The following WDR33 variants were observed in gnomAD, a reference collection of about 807,000 sequenced individuals.
WDR33 encodes WD repeat domain 33.
In WDR33, 47 loss-of-function variants were observed where a neutral mutation model predicts 164.9. The ratio of observed to expected loss-of-function variants is 0.29; its 90% CI spans 0.23 to 0.36. The LOEUF (loss-of-function observed/expected upper bound fraction) is 0.36. WDR33 is among the 10% of genes least tolerant of loss of function. WDR33 has a pLI of 1.00. For synonymous variants in WDR33, 505 were observed against 589.0 expected (o/e 0.86, Z 2.06); for missense variants, 1,137 against 1,754.1 (o/e 0.65, Z 6.28).
At position 127,709,072 on chromosome 2, in the gene WDR33, G is replaced by A. The variant is rs1686088989; in HGVS notation, c.3566-180C>T. Among the ~76,000 whole-genome samples, 1 of 152,172 alleles carries A rather than the reference G, an allele frequency of 6.6e-6. No homozygotes were observed. The highest frequency in any genetic ancestry group is 1.5e-5 in the Non-Finnish European group (1 of 68,038). ...GTGCCTCCTCATGTAAGAGGGGCAG[G>A]TAAGATCCAGAGAACTCGTTCTCAG... On this transcript the variant is annotated intron_variant, in intron 20 of 21. Transcript: ENST00000322313. This position sits in a 1 kb window ranked among gnomAD's most constrained non-coding sequence, Gnocchi z 5.0.
At chr2:127,808,568 G>A (rs1454583014) in intron 1 of WDR33, among the ~76,000 whole-genome samples, 4 of 152,172 alleles carry the variant, frequency 2.6e-5, no homozygotes, top group Non-Finnish European at 5.9e-5. Flanking sequence ...TAATGTAAAT[G>A]GTTTGAAATG....
chr2:127,742,518 G>C (rs1687047143), intron 7 of WDR33, among the ~76,000 whole-genome samples: 1 of 116,202 alleles, frequency 8.6e-6, no homozygotes, highest in African/African-American at 3.6e-5. Context: ...CAGAGACCCT[G>C]TCTCAAAAAA....
chr2:127,785,257 C>T (rs902904318), intron 1 of WDR33, among the ~76,000 whole-genome samples: 3 of 152,132 alleles, frequency 2.0e-5, no homozygotes, highest in African/African-American at 4.8e-5. Context: ...CCCTCCCCAC[C>T]CCTAACATCC....
At chr2:127,734,429 C>CT (rs1190096907) in intron 7 of WDR33, among the ~76,000 whole-genome samples, 1 of 152,180 alleles carries the variant, frequency 6.6e-6, no homozygotes, top group East Asian at 1.9e-4. Flanking sequence ...TAACCTGTGT[C>CT]TAATATGCCA....
chr2:127,713,669 C>T lies in WDR33; in HGVS notation c.3222G>A (p.Pro1074=), dbSNP rs751129326. ...CGGGCCTGCGGCCTTCCCATGCCCCCGGAGGGCCTCGGGCTGCACCCCGGC... is the reference window on the plus strand; with the variant it reads ...CGGGCCTGCGGCCTTCCCATGCCCCTGGAGGGCCTCGGGCTGCACCCCGGC... ...GDGRGAARGP[P]GAWEGRRPGD... The change falls in exon 18 of 22, where the codon CCG becomes CCA. Residue 1074 remains proline, a synonymous_variant. Transcript: ENST00000322313. The surrounding 1 kb of genome is among the most constrained non-coding windows in gnomAD (Gnocchi z 6.2). 5.6e-6 allele frequency: 9 copies of T among 1,614,228 alleles called. No homozygotes were observed. The highest frequency in any genetic ancestry group is 2.2e-5 in the East Asian group (1 of 44,890).
In WDR33 at chr2:127,726,440, G is replaced by A. The variant is rs1686574953; in HGVS notation, c.851+211C>T. On this transcript the variant is annotated intron_variant, in intron 8 of 21. Transcript: ENST00000322313. The surrounding 1 kb of genome is among the most constrained non-coding windows in gnomAD (Gnocchi z 4.8). The stretch of plus-strand genomic sequence containing the variant: ...GTATATAACAACCAAATTAAACTTA[G>A]GTCTATGTGGCAGGACAAAAACAAG... Among the ~76,000 whole-genome samples, 1 of 152,070 alleles carries A rather than the reference G, an allele frequency of 6.6e-6. No homozygotes were observed. The highest frequency in any genetic ancestry group is 2.4e-5 in the African/African-American group (1 of 41,412).
rs1686227621 is a variant in WDR33 at position 127,713,521 on chromosome 2, T to C, written c.3308+62A>G. The C allele has an allele frequency of 1.9e-6, 3 of 1,556,892 alleles. No individual in the cohort carries two copies. The highest frequency in any genetic ancestry group is 2.6e-6 in the Non-Finnish European group (3 of 1,141,330). On this transcript the variant is annotated intron_variant, in intron 18 of 21. Coordinates refer to ENST00000322313, the MANE Select transcript of WDR33 (RefSeq NM_018383.5). This position sits in a 1 kb window ranked among gnomAD's most constrained non-coding sequence, Gnocchi z 6.2. ...AAGAAAAAGAAGAAAGAGACCTTTG[T>C]GGAGACAGCAGATAAAAAGCTCCAC...
In WDR33 at chr2:127,713,878, G is replaced by A. The variant is rs1686239190; in HGVS notation, c.3013C>T (p.Pro1005Ser). 1 of 1,614,066 alleles carries A rather than the reference G, an allele frequency of 6.2e-7. No homozygotes were observed. The highest frequency in any genetic ancestry group is 1.7e-5 in the Admixed American group (1 of 60,008). ...DCRGPPDRRG[P>S]HPDFPDDFSR... ...AAGTCATCGGGGAAGTCTGGGTGAG[G>A]GCCACGCCTATCAGGGGGACCCCTG... The change falls in exon 18 of 22, where the codon CCT (proline) becomes TCT (serine). Residue 1005 changes from proline to serine, a missense_variant. By Grantham distance (74) the Pro-to-Ser change is moderately conservative. Around this residue, in one of 9 missense-constraint regions of WDR33, gnomAD observed 867 missense variants for 1,073.0 expected, o/e 0.81. Transcript: ENST00000322313. The surrounding 1 kb of genome is among the most constrained non-coding windows in gnomAD (Gnocchi z 6.2).
At chr2:127,751,024 C>T (rs188395520) in intron 7 of WDR33, among the ~76,000 whole-genome samples, 2 of 151,658 alleles carry the variant, frequency 1.3e-5, no homozygotes, top group East Asian at 3.9e-4. Context: ...ATTTGCATGG[C>T]ACATTAAAAC....
At position 127,762,524 on chromosome 2, in the gene WDR33, A is replaced by C. The variant is rs1687706875; in HGVS notation, c.724+538T>G. On this transcript the variant is annotated intron_variant, in intron 7 of 21. Transcript: ENST00000322313. ...TGAAGTAATTTCATAGAGGTTTATT[A>C]ATTATAAAATCAACAAAAGTAAACA... is the stretch of plus-strand genomic sequence containing the variant. The C allele has an allele frequency of 3.0e-6, 3 of 985,610 alleles. No homozygotes were observed. In the Admixed American group the frequency reaches 1.8e-4, roughly 60 times the overall value. 61.1% of individuals were successfully genotyped at this position (985,610 alleles called of 1,614,324 possible).
At chr2:127,771,556 C>A (rs976872463) in intron 1 of WDR33, among the ~76,000 whole-genome samples, 1 of 152,088 alleles carries the variant, frequency 6.6e-6, no homozygotes, top group Admixed American at 6.5e-5. Context: ...GCGGAAGGAT[C>A]GCTTGAGGCC....
At chr2:127,768,866 C>G (rs1009539728) in intron 3 of WDR33, 67 bp downstream of exon 3, 3 of 1,234,310 alleles carry the variant, frequency 2.4e-6, no homozygotes, top group Non-Finnish European at 3.5e-6. Flanking sequence ...TGAAGTCACA[C>G]AGTGAAGGCT....
rs941770906 is a variant in WDR33, at chr2:127,723,096, T to G, written c.1292-52A>C. The G allele has an allele frequency of 2.6e-5, 39 of 1,507,072 alleles. 1 individual carries two copies. The highest frequency in any genetic ancestry group is 3.5e-5 in the Non-Finnish European group (39 of 1,107,662). The allele number at this position is 1,507,072 out of a possible 1,614,324, so 93.4% of individuals were successfully genotyped here. ...ATAGAGAATTTACAAAAGTAGCGAC[T>G]GATAAAATTAATGCTTTATAAAAAT... On this transcript the variant is annotated intron_variant, in intron 12 of 21. Coordinates refer to ENST00000322313, the MANE Select transcript of WDR33 (RefSeq NM_018383.5). This position sits in a 1 kb window ranked among gnomAD's most constrained non-coding sequence, Gnocchi z 5.9.
Position 127,724,621 on chromosome 2 carries a change from C to A in WDR33, c.1086-178G>T, listed in dbSNP as rs1686520426. Among the ~76,000 whole-genome samples, 1 of 152,210 alleles carries A rather than the reference C, an allele frequency of 6.6e-6. No individual in the cohort carries two copies. The highest frequency in any genetic ancestry group is 2.1e-4 in the South Asian group (1 of 4,834). On this transcript the variant is annotated intron_variant, in intron 10 of 21. Transcript: ENST00000322313. This position sits in a 1 kb window ranked among gnomAD's most constrained non-coding sequence, Gnocchi z 4.8. ...TTGTCATTGCCAAAGGACAGTTACC[C>A]TTTCATCCAAAGAGCACTTCACAGG...
chr2:127,754,900 C>G (rs1328057087), intron 7 of WDR33, among the ~76,000 whole-genome samples: 2 of 152,156 alleles, frequency 1.3e-5, no homozygotes, highest in Non-Finnish European at 2.9e-5. Flanking sequence ...TTTAACCCAG[C>G]TAAATACTAA....
rs1000921746 is a variant in WDR33 at position 127,770,737 on chromosome 2, A to G, written c.204+41T>C. ...TAAATAAATAAATAAATAAATAAATAACCAAAGTTTGGTCATCTGAAGCAC... is the reference window on the plus strand; with the variant it reads ...TAAATAAATAAATAAATAAATAAATGACCAAAGTTTGGTCATCTGAAGCAC... On this transcript the variant is annotated intron_variant, in intron 2 of 21. Coordinates refer to ENST00000322313, the MANE Select transcript of WDR33 (RefSeq NM_018383.5). This position sits in a 1 kb window ranked among gnomAD's most constrained non-coding sequence, Gnocchi z 4.9. 5.9e-6 allele frequency: 6 copies of G among 1,019,442 alleles called. No homozygotes were observed. Among genetic ancestry groups the G allele is most frequent in the Middle Eastern group, 5.3e-4 (2 of 3,758 alleles). 63.1% of individuals were successfully genotyped at this position (1,019,442 alleles called of 1,614,324 possible). A position where few individuals can be genotyped will look rare whatever the true frequency, so the allele number is the denominator to read the frequency against.
intron 7 of WDR33, among the ~76,000 whole-genome samples, chr2:127,752,617 A>G (rs980306158): frequency 2.0e-5 from 3 of 151,338 alleles, no homozygotes; most frequent in African/African-American, 2.4e-5. Context: ...AAAAAAAAAA[A>G]AAAGAAACAG....
intron 7 of WDR33, among the ~76,000 whole-genome samples, chr2:127,750,549 AG>A (rs1488481233): frequency 6.8e-6 from 1 of 147,348 alleles, no homozygotes; most frequent in East Asian, 2.1e-4. Context: ...CGAGAGGCTG[AG>A]GCACTTGAGA....
chr2:127,719,336 G>C lies in WDR33; in HGVS notation c.2689C>G (p.Gln897Glu). Residue 897 changes from glutamine to glutamate, a missense_variant, in exon 16 of 22, where the codon CAA becomes GAA. Gln to Glu is a conservative substitution (Grantham distance 29). Around this residue, in one of 9 missense-constraint regions of WDR33, gnomAD observed 867 missense variants for 1,073.0 expected, o/e 0.81. Coordinates refer to ENST00000322313, the MANE Select transcript of WDR33 (RefSeq NM_018383.5). The surrounding 1 kb of genome is among the most constrained non-coding windows in gnomAD (Gnocchi z 6.5). ...QNPARGPHPS[Q>E]GPIPFQQQKT... ...TGTTGCTGGAATGGTATTGGCCCTTGAGATGGATGTGGCCCTCTTGCTGGG... is the reference window on the plus strand; with the variant it reads ...TGTTGCTGGAATGGTATTGGCCCTTCAGATGGATGTGGCCCTCTTGCTGGG... 6.6e-7 allele frequency: 1 copy of C among 1,504,924 alleles called. No homozygotes were observed. Among genetic ancestry groups the C allele is most frequent in the Non-Finnish European group, 8.9e-7 (1 of 1,127,600 alleles). 93.2% of individuals were successfully genotyped at this position (1,504,924 alleles called of 1,614,324 possible). A position where few individuals can be genotyped will look rare whatever the true frequency, so the allele number is the denominator to read the frequency against.
Sources: allele counts gnomAD v4.1 joint callset (sites outside exome capture counted in the v4.1 genomes callset), GRCh38; gene constraint gnomAD v4.1.1; regional missense constraint gnomAD v4.1.1; non-coding constraint Gnocchi (gnomAD v3.1); transcripts MANE v1.5; gene names NCBI Gene and HGNC (gene_info 2026-07-23, HGNC 2026-07-21).